ULBP1: variants seen among roughly 807,000 people sequenced by gnomAD.
ULBP1 encodes the protein UL16 binding protein 1.
ULBP1 carries 28 observed loss-of-function variants against 25.3 expected under a neutral mutation model. The ratio of observed to expected loss-of-function variants is 1.10; its 90% CI spans 0.82 to 1.51. The LOEUF (loss-of-function observed/expected upper bound fraction) is 1.51, where lower values mean the gene tolerates loss of function less well. ULBP1 is among the 40% of genes most tolerant of loss of function. The probability of loss-of-function intolerance (pLI) is 0.00; values close to 1 mark genes in which losing one functional copy is unlikely to be tolerated. For missense variants in ULBP1, 348 were observed against 290.9 expected (o/e 1.20, Z -1.43); for synonymous variants, 129 against 103.0 (o/e 1.25, Z -1.53).
chr6:149,964,245 TGAAC>T (rs138505973), intron 1 of ULBP1, 111 bp downstream of exon 1: 79,906 of 1,211,048 alleles, frequency 0.066, 6,715 homozygotes, highest in East Asian at 0.33. Flanking sequence ...GCGATCTCCC[TGAAC>T]GAACATCGCG....
chr6:149,970,074 T>C lies in ULBP1; in HGVS notation c.684T>C (p.Ser228=). The C allele has an allele frequency of 6.2e-7, 1 of 1,613,334 alleles. No individual in the cohort carries two copies. Among genetic ancestry groups the C allele is most frequent in the Non-Finnish European group, 8.5e-7 (1 of 1,179,732 alleles). ...CCAAGGCCATGGCCACCACCCTCAG[T>C]CCCTGGAGCCTTCTCATCATCTTCC... The part of the protein sequence containing the change: ...TQPKAMATTL[S]PWSLLIIFLC... The change falls in exon 4 of 5, where the codon AGT becomes AGC. Residue 228 remains serine (S), a synonymous_variant. Coordinates refer to ENST00000229708, the MANE Select transcript of ULBP1 (RefSeq NM_025218.4).
At chr6:149,968,527 G>A in intron 1 of ULBP1, 80 bp from the exon 2 acceptor site, 1 of 1,524,928 alleles carries the variant, frequency 6.6e-7, no homozygotes, top group Non-Finnish European at 8.8e-7. Flanking sequence ...GCCTTCACTT[G>A]CAGTCACCAT....
chr6:149,971,468 G>T lies in ULBP1; in HGVS notation c.*122G>T. On this transcript the variant is annotated 3_prime_UTR_variant, in exon 5 of 5. Coordinates refer to ENST00000229708, the MANE Select transcript of ULBP1 (RefSeq NM_025218.4). Reference sequence around the variant, plus strand: ...ACTCACCACTGTGCCTTTCTGGAAAGCAGGAGTTCAAGCCTTAGCAAGCCC... The same window carrying T: ...ACTCACCACTGTGCCTTTCTGGAAATCAGGAGTTCAAGCCTTAGCAAGCCC... 1.1e-6 allele frequency: 1 copy of T among 936,488 alleles called. No individual in the cohort carries two copies. The highest frequency in any genetic ancestry group is 1.3e-6 in the Non-Finnish European group (1 of 786,562). The allele number at this position is 936,488 out of a possible 1,614,324, so 58.0% of individuals were successfully genotyped here.
In ULBP1 at chr6:149,969,248, G is replaced by T. The variant is rs778937302; in HGVS notation, c.513G>T (p.Lys171Asn). 4.3e-6 allele frequency: 7 copies of T among 1,614,246 alleles called. No individual in the cohort carries two copies. The highest frequency in any genetic ancestry group is 2.2e-5 in the South Asian group (2 of 91,092). ...CTGGAGCCAAGAAGATGACAGAGAAGTGGGAGAAGAACAGGGATGTGACCA... is the reference window on the plus strand; with the variant it reads ...CTGGAGCCAAGAAGATGACAGAGAATTGGGAGAAGAACAGGGATGTGACCA... ...LHPGAKKMTE[K>N]WEKNRDVTMF... is the part of the protein sequence containing the mutation. Residue 171 changes from lysine to asparagine, a missense_variant, in exon 3 of 5, where the codon AAG (lysine) becomes AAT (asparagine). By Grantham distance (94) the Lys-to-Asn change is moderately conservative. Coordinates refer to ENST00000229708, the MANE Select transcript of ULBP1 (RefSeq NM_025218.4).
Position 149,971,646 on chromosome 6 carries a change from A to G in ULBP1, c.*300A>G, listed in dbSNP as rs2062106138. On this transcript the variant is annotated 3_prime_UTR_variant, in exon 5 of 5. Transcript: ENST00000229708. Reference sequence around the variant, plus strand: ...GGAACTCCTGCACAAGTTTTAACTGAACAAGAAATCCCAGCAAAAGGCATT... The same window carrying G: ...GGAACTCCTGCACAAGTTTTAACTGGACAAGAAATCCCAGCAAAAGGCATT... 6.5e-6 allele frequency: 1 copy of G among 152,802 alleles called. No homozygotes were observed. The highest frequency in any genetic ancestry group is 1.5e-5 in the Non-Finnish European group (1 of 68,606). The allele number at this position is 152,802 out of a possible 1,614,324, so 9.5% of individuals were successfully genotyped here. A position where few individuals can be genotyped will look rare whatever the true frequency, so the allele number is the denominator to read the frequency against.
At chr6:149,971,083 C>T (rs965181498) in intron 4 of ULBP1, among the ~76,000 whole-genome samples, 3 of 152,196 alleles carry the variant, frequency 2.0e-5, no homozygotes, top group Non-Finnish European at 4.4e-5. Flanking sequence ...CTAGACCCTT[C>T]TATGAGAGGG....
intron 4 of ULBP1, among the ~76,000 whole-genome samples, 186 bp downstream of exon 4, chr6:149,970,333 A>C (rs1367128255): frequency 1.3e-5 from 2 of 150,660 alleles, no homozygotes; most frequent in Non-Finnish European, 2.9e-5. Context: ...GATGGATTCT[A>C]ACTGTCAGAG....
At position 149,972,128 on chromosome 6, in the gene ULBP1, T is replaced by A. The variant is rs190216198; in HGVS notation, c.*782T>A. On this transcript the variant is annotated 3_prime_UTR_variant, in exon 5 of 5. Coordinates refer to ENST00000229708, the MANE Select transcript of ULBP1 (RefSeq NM_025218.4). Reference sequence around the variant, plus strand: ...GAACCACAGTGCCTGTTGTAGAAATTTTTAATTATTTAATATGAAAATATT... The same window carrying A: ...GAACCACAGTGCCTGTTGTAGAAATATTTAATTATTTAATATGAAAATATT... 1.5e-4 allele frequency: 23 copies of A among 152,262 alleles called. No homozygotes were observed. Among genetic ancestry groups the A allele is most frequent in the Non-Finnish European group, 2.8e-4 (19 of 68,024 alleles). 9.4% of individuals were successfully genotyped at this position (152,262 alleles called of 1,614,324 possible).
At position 149,970,086 on chromosome 6, in the gene ULBP1, TCTC is replaced by T; in HGVS notation, c.697_699del (p.Leu233del). On this transcript the variant is annotated inframe_deletion, in exon 4 of 5. Coordinates refer to ENST00000229708, the MANE Select transcript of ULBP1 (RefSeq NM_025218.4). ...CCACCACCCTCAGTCCCTGGAGCCTTCTCATCATCTTCCTCTGCTTCATTCTAG... is the reference window on the plus strand; with the variant it reads ...CCACCACCCTCAGTCCCTGGAGCCTTATCATCTTCCTCTGCTTCATTCTAG... The T allele has an allele frequency of 6.2e-7, 1 of 1,612,996 alleles. No individual in the cohort carries two copies. The highest frequency in any genetic ancestry group is 8.5e-7 in the Non-Finnish European group (1 of 1,179,584).
At position 149,971,544 on chromosome 6, in the gene ULBP1, A is replaced by T. The variant is rs1449714161; in HGVS notation, c.*198A>T. The T allele has an allele frequency of 3.8e-6, 1 of 262,556 alleles. No individual in the cohort carries two copies. The highest frequency in any genetic ancestry group is 5.9e-6 in the Non-Finnish European group (1 of 170,342). The allele number at this position is 262,556 out of a possible 1,614,324, so 16.3% of individuals were successfully genotyped here. A position where few individuals can be genotyped will look rare whatever the true frequency, so the allele number is the denominator to read the frequency against. ...CATTGTCGGCTCAACATCTCAGGCC[A>T]CTCATTACCTTCGCTCATGATCCCA... On this transcript the variant is annotated 3_prime_UTR_variant, in exon 5 of 5. Coordinates refer to ENST00000229708, the MANE Select transcript of ULBP1 (RefSeq NM_025218.4).
At chr6:149,968,934 A>G in intron 2 of ULBP1, 64 bp downstream of exon 2, 4 of 1,563,228 alleles carry the variant, frequency 2.6e-6, no homozygotes, top group Non-Finnish European at 3.5e-6. Flanking sequence ...TTGATTTCAT[A>G]TGAAAAATAA....
chr6:149,968,468 A>G, intron 1 of ULBP1, 139 bp from the exon 2 acceptor site: 4 of 1,175,832 alleles, frequency 3.4e-6, no homozygotes, highest in Non-Finnish European at 4.8e-6. Flanking sequence ...AGTTTTCATG[A>G]CAGTCCTGGC....
At chr6:149,966,611 T>C (rs1374214333) in intron 1 of ULBP1, among the ~76,000 whole-genome samples, 1 of 152,170 alleles carries the variant, frequency 6.6e-6, no homozygotes, top group Non-Finnish European at 1.5e-5. Context: ...TGGTTCCCTG[T>C]GGCCCTGCTC....
At position 149,970,065 on chromosome 6, in the gene ULBP1, C is replaced by G. The variant is rs746611573; in HGVS notation, c.675C>G (p.Thr225=). The G allele has an allele frequency of 1.9e-6, 3 of 1,613,562 alleles. No individual in the cohort carries two copies. The South Asian group carries it at 3.3e-5, about 18-fold the overall frequency. Residue 225 remains threonine (T), a synonymous_variant, in exon 4 of 5, where the codon ACC becomes ACG. Coordinates refer to ENST00000229708, the MANE Select transcript of ULBP1 (RefSeq NM_025218.4). ...PGTTQPKAMA[T]TLSPWSLLII... ...CAACCCAACCCAAGGCCATGGCCAC[C>G]ACCCTCAGTCCCTGGAGCCTTCTCA... is the stretch of plus-strand genomic sequence containing the variant.
chr6:149,969,930 A>C, intron 3 of ULBP1, 86 bp from the exon 4 acceptor site: 1 of 1,500,506 alleles, frequency 6.7e-7, no homozygotes, highest in Non-Finnish European at 9.0e-7. Context: ...GCCTTCCAGG[A>C]TGACCTGGGG....
chr6:149,966,181 CTCTG>C (rs71665652), intron 1 of ULBP1, among the ~76,000 whole-genome samples: 6,807 of 152,234 alleles, frequency 0.045, 224 homozygotes, highest in Non-Finnish European at 0.069. Context: ...GCCGTGAGTT[CTCTG>C]TCTGTGTGTC....
chr6:149,970,963 A>C (rs908776936), intron 4 of ULBP1, among the ~76,000 whole-genome samples: 1 of 152,218 alleles, frequency 6.6e-6, no homozygotes, highest in African/African-American at 2.4e-5. Context: ...TCCCAGGGTG[A>C]GGAAAGGCTG....
Position 149,963,943 on chromosome 6 carries a change from G to T in ULBP1, c.-107G>T. The T allele has an allele frequency of 9.0e-7, 1 of 1,117,128 alleles. No individual in the cohort carries two copies. Among genetic ancestry groups the T allele is most frequent in the African/African-American group, 1.6e-5 (1 of 64,058 alleles). The allele number at this position is 1,117,128 out of a possible 1,614,324, so 69.2% of individuals were successfully genotyped here. On this transcript the variant is annotated 5_prime_UTR_variant, in exon 1 of 5. Coordinates refer to ENST00000229708, the MANE Select transcript of ULBP1 (RefSeq NM_025218.4). ...GTGCATGCCTAGGATCCCGCCCAGT[G>T]TATCCCTGCGCGCGGCGGGCCGGGC... is the stretch of plus-strand genomic sequence containing the variant.
Position 149,972,196 on chromosome 6 carries a change from C to G in ULBP1, c.*850C>G, listed in dbSNP as rs953757705. On this transcript the variant is annotated 3_prime_UTR_variant, in exon 5 of 5. Coordinates refer to ENST00000229708, the MANE Select transcript of ULBP1 (RefSeq NM_025218.4). ...ATTTAGTAAATAAAATAATAGAGAG[C>G]CCAGAAATCAACCTGCACACCTACC... The G allele has an allele frequency of 1.3e-5, 2 of 151,854 alleles. No homozygotes were observed. Among genetic ancestry groups the G allele is most frequent in the African/African-American group, 4.8e-5 (2 of 41,302 alleles). The allele number at this position is 151,854 out of a possible 1,614,324, so 9.4% of individuals were successfully genotyped here.
Sources: allele counts gnomAD v4.1 joint callset (sites outside exome capture counted in the v4.1 genomes callset), GRCh38; gene constraint gnomAD v4.1.1; transcripts MANE v1.5; gene names NCBI Gene and HGNC (gene_info 2026-07-23, HGNC 2026-07-21).